Variants in STK33 observed in about 807,000 individuals in gnomAD.
STK33 encodes serine/threonine kinase 33.
In STK33, 52 loss-of-function variants were observed where a neutral mutation model predicts 58.0. The observed-to-expected ratio is 0.90, with a 90% CI of 0.72 to 1.13. STK33 has a LOEUF of 1.13. Among genes scored for constraint, STK33 ranks in the 50% most tolerant of loss-of-function variants. The pLI is 0.00. For synonymous variants in STK33, 215 were observed against 200.1 expected (o/e 1.07, Z -0.63); for missense variants, 630 against 604.2 (o/e 1.04, Z -0.45).
chr11:8,393,431 C>G (rs1453298466), intron 15 of STK33, among the ~76,000 whole-genome samples: 2 of 152,190 alleles, frequency 1.3e-5, no homozygotes, highest in African/African-American at 4.8e-5. Flanking sequence ...GTCTTGAATC[C>G]TGCTGTCATG....
chr11:8,441,788 T>C (rs923255474), intron 11 of STK33, among the ~76,000 whole-genome samples: 2 of 152,212 alleles, frequency 1.3e-5, no homozygotes, highest in Admixed American at 1.3e-4. Context: ...AATATATGTA[T>C]ATATTTCAAT....
At chr11:8,499,437 A>T (rs1490661219) in intron 1 of STK33, among the ~76,000 whole-genome samples, 1 of 152,202 alleles carries the variant, frequency 6.6e-6, no homozygotes, top group East Asian at 1.9e-4. Context: ...ACTAGAGAGG[A>T]TGTGGAGAAA....
intron 1 of STK33, among the ~76,000 whole-genome samples, chr11:8,575,664 T>C (rs1186013935): frequency 6.6e-6 from 1 of 152,124 alleles, no homozygotes; most frequent in African/African-American, 2.4e-5. Context: ...TTGGAAGTAG[T>C]GGATAACCAG....
intron 1 of STK33, among the ~76,000 whole-genome samples, chr11:8,554,289 T>A (rs1265684320): frequency 1.3e-5 from 2 of 148,156 alleles, no homozygotes; most frequent in Non-Finnish European, 2.9e-5. Context: ...CATGGTGGCA[T>A]GCACCTGTAG....
chr11:8,396,003 C>T (rs1396605725), intron 15 of STK33, among the ~76,000 whole-genome samples: 2 of 152,132 alleles, frequency 1.3e-5, no homozygotes, highest in African/African-American at 4.8e-5. Flanking sequence ...AATTGAGCTC[C>T]AAAATCAGCC....
At chr11:8,492,024 A>G (rs1488843332) in intron 1 of STK33, among the ~76,000 whole-genome samples, 2 of 152,228 alleles carry the variant, frequency 1.3e-5, no homozygotes, top group African/African-American at 4.8e-5. Context: ...TGCTAGGAAG[A>G]AACTGCATCA....
At position 8,399,529 on chromosome 11, in the gene STK33, C is replaced by T. The variant is rs558200771; in HGVS notation, c.1345-6819G>A. Among the ~76,000 whole-genome samples, 4 of 152,170 alleles carry T rather than the reference C, an allele frequency of 2.6e-5. No homozygotes were observed. The East Asian group carries it at 7.7e-4, about 29-fold the overall frequency. On this transcript the variant is annotated intron_variant, in intron 15 of 15. Coordinates refer to ENST00000687296, the MANE Select transcript of STK33 (RefSeq NM_001352389.2). ...AAGAGAAAGCAGGAAAGATCTAAAA[C>T]TGACACCCTAACATCACAATTAAAA...
At chr11:8,589,560 A>G (rs906546828) in intron 1 of STK33, among the ~76,000 whole-genome samples, 2 of 152,192 alleles carry the variant, frequency 1.3e-5, no homozygotes, top group Non-Finnish European at 2.9e-5. Flanking sequence ...GGTGATAAAA[A>G]TGTTCTGGAA....
chr11:8,363,229 C>T, the STK33 span, among the ~76,000 whole-genome samples: 1 of 152,086 alleles, frequency 6.6e-6, no homozygotes, highest in Non-Finnish European at 1.5e-5. Context: ...AAAAGGCCAG[C>T]CACATGGAAT....
At chr11:8,522,391 G>A (rs571994820) in intron 1 of STK33, among the ~76,000 whole-genome samples, 53 of 151,842 alleles carry the variant, frequency 3.5e-4, no homozygotes, top group African/African-American at 1.2e-3. Context: ...ACCAAACACC[G>A]CATGTTCTCC....
chr11:8,437,802 A>T (rs559165000), intron 12 of STK33, among the ~76,000 whole-genome samples: 2 of 152,276 alleles, frequency 1.3e-5, no homozygotes, highest in East Asian at 3.9e-4. Flanking sequence ...CAGACAATAG[A>T]GCTTTTTCAT....
At chr11:8,463,284 A>G (rs147143453) in intron 7 of STK33, among the ~76,000 whole-genome samples, 2 of 152,160 alleles carry the variant, frequency 1.3e-5, no homozygotes, top group African/African-American at 4.8e-5. Context: ...TCTACCTCAG[A>G]TCATCAGGCA....
chr11:8,477,969 C>T (rs1949439503), intron 2 of STK33, among the ~76,000 whole-genome samples: 1 of 152,150 alleles, frequency 6.6e-6, no homozygotes, highest in Non-Finnish European at 1.5e-5. Context: ...AATTCTAAAA[C>T]AACAGGTTGA....
the STK33 span, among the ~76,000 whole-genome samples, chr11:8,370,806 C>G: frequency 2.6e-5 from 4 of 152,170 alleles, no homozygotes; most frequent in Non-Finnish European, 5.9e-5. Flanking sequence ...AGGAGGACTG[C>G]GCCCAGCACG....
chr11:8,451,294 C>T (rs999890414), intron 11 of STK33, among the ~76,000 whole-genome samples: 1 of 152,130 alleles, frequency 6.6e-6, no homozygotes, highest in South Asian at 2.1e-4. Context: ...ATATTCATAG[C>T]AGCATTATTC....
chr11:8,426,357 C>T (rs1157496786), intron 14 of STK33, among the ~76,000 whole-genome samples: 4 of 152,216 alleles, frequency 2.6e-5, no homozygotes, highest in Admixed American at 1.3e-4. Context: ...GCTGCTTGTG[C>T]GTCTGCCTGC....
chr11:8,504,665 G>T (rs1951745332), intron 1 of STK33, among the ~76,000 whole-genome samples: 2 of 152,110 alleles, frequency 1.3e-5, no homozygotes, highest in South Asian at 4.2e-4. Context: ...ATCCAGGCAT[G>T]GTGGTGTGTG....
At chr11:8,560,456 T>C (rs1037907175) in intron 1 of STK33, among the ~76,000 whole-genome samples, 1 of 152,134 alleles carries the variant, frequency 6.6e-6, no homozygotes, top group East Asian at 1.9e-4. Context: ...ATATTAATGA[T>C]ATCAATCCTC....
In STK33 at chr11:8,553,230, G is replaced by GTA. The variant is rs1263167636; in HGVS notation, c.-466+40851_-466+40852dup. Among the ~76,000 whole-genome samples, 27 of 71,434 alleles carry GTA rather than the reference G, an allele frequency of 3.8e-4. No homozygotes were observed. In the South Asian group the frequency reaches 0.011, roughly 28 times the overall value. 46.9% of individuals were successfully genotyped at this position (71,434 alleles called of 152,430 possible). A position where few individuals can be genotyped will look rare whatever the true frequency, so the allele number is the denominator to read the frequency against. On this transcript the variant is annotated intron_variant, in intron 1 of 15. Transcript: ENST00000687296. The stretch of plus-strand genomic sequence containing the variant: ...ATATATATATATATATATATGGTGT[G>GTA]TATATATATATGATATATATGATAT...
Sources: allele counts gnomAD v4.1 joint callset (sites outside exome capture counted in the v4.1 genomes callset), GRCh38; gene constraint gnomAD v4.1.1; transcripts MANE v1.5; gene names NCBI Gene and HGNC (gene_info 2026-07-23, HGNC 2026-07-21).